SLC8A1: variants seen among roughly 807,000 people sequenced by gnomAD.
SLC8A1 encodes the protein sodium/calcium exchanger 1.
Under a neutral mutation model 68.3 loss-of-function variants are expected in SLC8A1, and 18 were observed. That is an observed-to-expected ratio of 0.26 (90% CI 0.18 to 0.39). The LOEUF is 0.39. Ranked by LOEUF, SLC8A1 falls within the 10% of genes least tolerant of loss-of-function variation. The pLI, the probability that SLC8A1 is intolerant of heterozygous loss-of-function variation, is 1.00. For missense variants in SLC8A1, 985 were observed against 1,156.7 expected (o/e 0.85, Z 2.15); for synonymous variants, 475 against 415.5 (o/e 1.14, Z -1.74).
At chr2:40,417,762 G>A (rs1350584535) in intron 2 of SLC8A1, among the ~76,000 whole-genome samples, 5 of 152,068 alleles carry the variant, frequency 3.3e-5, no homozygotes, top group African/African-American at 4.8e-5. Context: ...ATGGCACAGT[G>A]TCCACAATGA....
intron 2 of SLC8A1, among the ~76,000 whole-genome samples, chr2:40,332,228 C>T (rs1168057133): frequency 6.6e-6 from 1 of 152,132 alleles, no homozygotes; most frequent in African/African-American, 2.4e-5. Context: ...GCTAGGTCTA[C>T]GTAATTCCCT....
intron 1 of SLC8A1, among the ~76,000 whole-genome samples, chr2:40,498,507 T>A (rs1158180839): frequency 2.0e-5 from 3 of 152,236 alleles, no homozygotes; most frequent in Admixed American, 2.0e-4. Flanking sequence ...CTAAAACCTA[T>A]CAGACAGATA....
chr2:40,419,935 G>T (rs917238403), intron 2 of SLC8A1, among the ~76,000 whole-genome samples: 4 of 152,022 alleles, frequency 2.6e-5, no homozygotes, highest in African/African-American at 9.7e-5. Flanking sequence ...GCCGGCAAAA[G>T]GTAAAAAATT....
chr2:40,232,619 CTTTAAGT>C (rs1194395921), intron 2 of SLC8A1, among the ~76,000 whole-genome samples: 1 of 135,612 alleles, frequency 7.4e-6, no homozygotes, highest in Admixed American at 7.7e-5. Flanking sequence ...TTTTTATATA[CTTTAAGT>C]TTTAGGGTAC....
At chr2:40,199,647 A>G (rs895765469) in intron 2 of SLC8A1, among the ~76,000 whole-genome samples, 5 of 151,816 alleles carry the variant, frequency 3.3e-5, no homozygotes, top group African/African-American at 7.3e-5. Context: ...AAGTTCTGCT[A>G]TACTATTTGC....
At chr2:40,170,721 G>T (rs1283649798) in intron 4 of SLC8A1, among the ~76,000 whole-genome samples, 2 of 152,194 alleles carry the variant, frequency 1.3e-5, no homozygotes, top group Non-Finnish European at 2.9e-5. Context: ...ATAGTGGCAG[G>T]TGTCGTGGTT....
At chr2:40,100,211 A>G (rs2033814368) in exon 8 of SLC8A1, 1 of 152,132 alleles carries the variant, frequency 6.6e-6, no homozygotes, top group South Asian at 2.1e-4. Context: ...GACCACACAC[A>G]TAAGGGTCTT....
chr2:40,456,865 C>G (rs1284277240), upstream of SLC8A1, among the ~76,000 whole-genome samples: 1 of 152,136 alleles, frequency 6.6e-6, no homozygotes, highest in African/African-American at 2.4e-5. Context: ...GAGTTCTATG[C>G]AATGAATAAT....
chr2:40,102,205 A>G (rs2033935247), exon 8 of SLC8A1: 1 of 152,170 alleles, frequency 6.6e-6, no homozygotes, highest in African/African-American at 2.4e-5. Flanking sequence ...TTTGTAGAAA[A>G]TTCTATGGCC....
intron 2 of SLC8A1, among the ~76,000 whole-genome samples, chr2:40,348,043 G>C (rs1311567188): frequency 6.6e-6 from 1 of 152,164 alleles, no homozygotes; most frequent in Non-Finnish European, 1.5e-5. Context: ...ACTGAAGGAA[G>C]GAGGTCAGTA....
chr2:40,350,717 T>C (rs981635227), intron 2 of SLC8A1, among the ~76,000 whole-genome samples: 2 of 151,068 alleles, frequency 1.3e-5, no homozygotes, highest in African/African-American at 4.9e-5. Context: ...AGCTAAAAGA[T>C]GTTATAAATT....
intron 2 of SLC8A1, among the ~76,000 whole-genome samples, chr2:40,259,193 T>G (rs575711960): frequency 6.6e-6 from 1 of 152,148 alleles, no homozygotes; most frequent in Non-Finnish European, 1.5e-5. Context: ...TGAGAGAAAT[T>G]CTGTCTGTGA....
chr2:40,478,746 A>T (rs764239540), intron 1 of SLC8A1, among the ~76,000 whole-genome samples: 1 of 149,624 alleles, frequency 6.7e-6, no homozygotes, highest in Non-Finnish European at 1.5e-5. Context: ...TGGATGTTAC[A>T]TTTCATTTTC....
At chr2:40,335,296 T>C (rs1435681893) in intron 2 of SLC8A1, among the ~76,000 whole-genome samples, 2 of 152,234 alleles carry the variant, frequency 1.3e-5, no homozygotes, top group Non-Finnish European at 2.9e-5. Flanking sequence ...CTCATATATT[T>C]TTCTAATTTC....
intron 2 of SLC8A1, among the ~76,000 whole-genome samples, chr2:40,287,590 GTGTGTGTGTGTGTGT>G (rs2068538491): frequency 7.2e-6 from 1 of 139,338 alleles, no homozygotes; most frequent in African/African-American, 3.2e-5. Context: ...TGATGTGTGT[GTGTGTGTGTGTGTGT>G]GTGTGTGTGT....
chr2:40,357,593 C>G (rs1432231839), intron 2 of SLC8A1, among the ~76,000 whole-genome samples: 1 of 150,808 alleles, frequency 6.6e-6, no homozygotes, highest in Non-Finnish European at 1.5e-5. Flanking sequence ...ATGTAGACGA[C>G]AGGTTGAAGG....
intron 2 of SLC8A1, among the ~76,000 whole-genome samples, chr2:40,311,912 C>G (rs943815837): frequency 6.6e-6 from 1 of 152,092 alleles, no homozygotes; most frequent in Non-Finnish European, 1.5e-5. Context: ...AGTTCTACAT[C>G]AAATATAAAC....
Position 40,434,535 on chromosome 2 carries a change from G to A in SLC8A1, c.-24-4231C>T, listed in dbSNP as rs537313206. Among the ~76,000 whole-genome samples the A allele has an allele frequency of 3.3e-5, 5 of 152,134 alleles. No individual in the cohort carries two copies. In the South Asian group the frequency reaches 1.0e-3, roughly 32 times the overall value. ...AAATATACATTTCCATACAAATTAA[G>A]CAGAAAGATAAGAATAGAGACTGTG... On this transcript the variant is annotated intron_variant, in intron 1 of 7. Coordinates refer to ENST00000406785, the Ensembl canonical transcript of SLC8A1.
At chr2:40,416,263 A>G (rs1161285581) in intron 2 of SLC8A1, among the ~76,000 whole-genome samples, 1 of 152,156 alleles carries the variant, frequency 6.6e-6, no homozygotes, top group African/African-American at 2.4e-5. Flanking sequence ...GTCAACTTAT[A>G]TAAGACACTA....
Sources: allele counts gnomAD v4.1 joint callset (sites outside exome capture counted in the v4.1 genomes callset), GRCh38; gene constraint gnomAD v4.1.1; transcripts MANE v1.5; gene names NCBI Gene and HGNC (gene_info 2026-07-23, HGNC 2026-07-21).